ERBB4: variants seen among roughly 807,000 people sequenced by gnomAD.
ERBB4 encodes the protein receptor tyrosine-protein kinase erbB-4.
ERBB4 carries 42 observed loss-of-function variants against 158.0 expected under a neutral mutation model. That is an observed-to-expected ratio of 0.27 (90% CI 0.21 to 0.34). The LOEUF (loss-of-function observed/expected upper bound fraction) is 0.34, where lower values mean the gene tolerates loss of function less well. ERBB4 is among the 10% of genes least tolerant of loss of function. The pLI is 1.00. For missense variants in ERBB4, 1,333 were observed against 1,624.1 expected (o/e 0.82, Z 3.08); for synonymous variants, 583 against 558.7 (o/e 1.04, Z -0.61).
At chr2:212,082,325 A>T (rs2078470303) in intron 2 of ERBB4, among the ~76,000 whole-genome samples, 1 of 152,102 alleles carries the variant, frequency 6.6e-6, no homozygotes, top group Non-Finnish European at 1.5e-5. Flanking sequence ...TTTTTAAGAA[A>T]CAAGGAGAAA....
intron 1 of ERBB4, among the ~76,000 whole-genome samples, chr2:212,327,154 T>C (rs1433032468): frequency 6.6e-6 from 1 of 150,690 alleles, no homozygotes; most frequent in Non-Finnish European, 1.5e-5. Flanking sequence ...ATACTTCTGG[T>C]TACATGATAA....
intron 12 of ERBB4, 122 bp downstream of exon 12, chr2:211,701,845 T>C: frequency 1.4e-6 from 1 of 716,518 alleles, no homozygotes; most frequent in Non-Finnish European, 2.5e-6. Context: ...TACCTTCCTT[T>C]TTAAGGGTTG....
intron 3 of ERBB4, among the ~76,000 whole-genome samples, chr2:211,825,668 A>G (rs2077085218): frequency 6.6e-6 from 1 of 151,248 alleles, no homozygotes; most frequent in Non-Finnish European, 1.5e-5. Flanking sequence ...TCTGGTGGGT[A>G]AGGTAGACTT....
chr2:211,775,542 G>A (rs1438149463), intron 4 of ERBB4, among the ~76,000 whole-genome samples: 1 of 152,204 alleles, frequency 6.6e-6, no homozygotes, highest in Non-Finnish European at 1.5e-5. Flanking sequence ...AGGCCATGAT[G>A]AAATCTTCTG....
In ERBB4 at chr2:211,785,323, G is replaced by C. The variant is rs1347768500; in HGVS notation, c.556+2702C>G. 2.0e-5 allele frequency among the ~76,000 whole-genome samples: 3 copies of C among 152,158 alleles called. No homozygotes were observed. In the East Asian group the frequency reaches 5.8e-4, roughly 30 times the overall value. ...TCACCGTGTTAGCCAGGATGGTCTC[G>C]CTCTCCTGATCGCGTGATCCGCCCA... is the stretch of plus-strand genomic sequence containing the variant. On this transcript the variant is annotated intron_variant, in intron 4 of 27. Transcript: ENST00000342788.
intron 27 of ERBB4, among the ~76,000 whole-genome samples, chr2:211,385,256 T>C (rs1028503168): frequency 6.6e-6 from 1 of 152,128 alleles, no homozygotes; most frequent in African/African-American, 2.4e-5. Flanking sequence ...CACTATCATA[T>C]ATAGGCCTTT....
intron 1 of ERBB4, among the ~76,000 whole-genome samples, chr2:212,144,868 T>C (rs1204522831): frequency 1.3e-5 from 2 of 152,204 alleles, no homozygotes; most frequent in Non-Finnish European, 1.5e-5. Context: ...AGAGGCAAAA[T>C]TTTTAAAAGA....
intron 1 of ERBB4, among the ~76,000 whole-genome samples, chr2:212,149,415 G>T (rs981252550): frequency 6.6e-6 from 1 of 152,044 alleles, no homozygotes; most frequent in African/African-American, 2.4e-5. Flanking sequence ...GGGTTATAAA[G>T]AGTTAAAAGT....
intron 4 of ERBB4, among the ~76,000 whole-genome samples, chr2:211,775,554 C>A (rs2075851371): frequency 6.6e-6 from 1 of 152,148 alleles, no homozygotes; most frequent in Non-Finnish European, 1.5e-5. Flanking sequence ...AATCTTCTGG[C>A]CATAAGCCAG....
chr2:211,719,048 A>AT (rs2074013719), intron 7 of ERBB4, among the ~76,000 whole-genome samples: 1 of 152,130 alleles, frequency 6.6e-6, no homozygotes, highest in Non-Finnish European at 1.5e-5. Flanking sequence ...TTAACAGTGA[A>AT]TTTTGTCTTA....
intron 1 of ERBB4, among the ~76,000 whole-genome samples, chr2:212,192,904 T>A (rs189760230): frequency 1.4e-4 from 21 of 152,312 alleles, no homozygotes; most frequent in African/African-American, 4.3e-4. Context: ...TTCCTGTTTT[T>A]AAACAACTAA....
intron 19 of ERBB4, among the ~76,000 whole-genome samples, chr2:211,571,536 T>A (rs1186257211): frequency 6.6e-6 from 1 of 152,204 alleles, no homozygotes; most frequent in Non-Finnish European, 1.5e-5. Context: ...TCCACTCCTA[T>A]AATTTCAGTT....
intron 17 of ERBB4, among the ~76,000 whole-genome samples, chr2:211,625,436 A>G (rs1357808122): frequency 6.6e-6 from 1 of 152,190 alleles, no homozygotes; most frequent in African/African-American, 2.4e-5. Context: ...AAATGTAGCT[A>G]TAGCAAGAAT....
chr2:212,525,968 A>G (rs1560555668), intron 1 of ERBB4, among the ~76,000 whole-genome samples: 1 of 152,040 alleles, frequency 6.6e-6, no homozygotes, highest in African/African-American at 2.4e-5. Flanking sequence ...TATTACTGAT[A>G]TTTTGACATA....
intron 18 of ERBB4, among the ~76,000 whole-genome samples, chr2:211,619,658 T>C (rs1199887132): frequency 6.6e-6 from 1 of 152,100 alleles, no homozygotes; most frequent in Non-Finnish European, 1.5e-5. Context: ...TTGTATCATC[T>C]GTAATTTAGA....
At chr2:212,531,401 T>C (rs1047892103) in intron 1 of ERBB4, among the ~76,000 whole-genome samples, 4 of 152,310 alleles carry the variant, frequency 2.6e-5, no homozygotes, top group African/African-American at 7.2e-5. Context: ...AATAAATTTA[T>C]AGTCAGTACT....
intron 5 of ERBB4, among the ~76,000 whole-genome samples, chr2:211,744,797 G>A (rs557762184): frequency 1.3e-4 from 20 of 152,282 alleles, no homozygotes; most frequent in African/African-American, 4.8e-4. Flanking sequence ...GCTGAGGTGT[G>A]GGGCTTTTTA....
intron 1 of ERBB4, among the ~76,000 whole-genome samples, chr2:212,332,878 T>A (rs577395538): frequency 5.3e-4 from 80 of 152,250 alleles, no homozygotes; most frequent in African/African-American, 1.9e-3. Context: ...GAAGCTGTGA[T>A]GTAAATCATT....
chr2:212,486,189 A>C (rs935476166), intron 1 of ERBB4, among the ~76,000 whole-genome samples: 2 of 152,136 alleles, frequency 1.3e-5, no homozygotes, highest in Non-Finnish European at 2.9e-5. Flanking sequence ...AATAATAAAG[A>C]GATAAAAACA....
Sources: allele counts gnomAD v4.1 joint callset (sites outside exome capture counted in the v4.1 genomes callset), GRCh38; gene constraint gnomAD v4.1.1; transcripts MANE v1.5; gene names NCBI Gene and HGNC (gene_info 2026-07-23, HGNC 2026-07-21).